The following TMEM150C variants were observed in gnomAD, a reference collection of about 807,000 sequenced individuals.
TMEM150C encodes transmembrane protein 150C.
Under a neutral mutation model 29.9 loss-of-function variants are expected in TMEM150C, and 10 were observed. The observed-to-expected ratio is 0.33, with a 90% CI of 0.21 to 0.57. The LOEUF is 0.57. Ranked by LOEUF, TMEM150C falls within the 20% of genes least tolerant of loss-of-function variation. The pLI is 0.88. For synonymous variants in TMEM150C, 101 were observed against 112.5 expected (o/e 0.90, Z 0.64); for missense variants, 251 against 303.6 (o/e 0.83, Z 1.29).
chr4:82,520,260 A>AT (rs1018345370), intron 1 of TMEM150C, among the ~76,000 whole-genome samples: 18 of 152,248 alleles, frequency 1.2e-4, no homozygotes, highest in African/African-American at 2.7e-4. Context: ...TCTCCCCCAC[A>AT]TATGTGAAAG....
intron 1 of TMEM150C, among the ~76,000 whole-genome samples, chr4:82,529,030 C>G (rs1461789424): frequency 6.6e-6 from 1 of 151,716 alleles, no homozygotes; most frequent in African/African-American, 2.4e-5. Context: ...ATAGAGGGAA[C>G]ATGAAAGCAG....
chr4:82,533,031 AG>A (rs1198228661), intron 1 of TMEM150C, among the ~76,000 whole-genome samples: 2 of 152,118 alleles, frequency 1.3e-5, no homozygotes, highest in Non-Finnish European at 2.9e-5. Flanking sequence ...CCCGGCCTCA[AG>A]TAAACGTTTA....
At chr4:82,548,037 A>G (rs1367173129) in intron 1 of TMEM150C, among the ~76,000 whole-genome samples, 2 of 152,234 alleles carry the variant, frequency 1.3e-5, no homozygotes, top group Admixed American at 6.5e-5. Flanking sequence ...AAAGAATGAA[A>G]TCATGTCCTT....
intron 1 of TMEM150C, among the ~76,000 whole-genome samples, chr4:82,533,896 T>C (rs917694302): frequency 1.3e-5 from 2 of 152,196 alleles, no homozygotes; most frequent in Non-Finnish European, 2.9e-5. Flanking sequence ...CAAATCTGGT[T>C]TGTTTTAGAA....
At chr4:82,512,625 T>C (rs961882820) in intron 1 of TMEM150C, among the ~76,000 whole-genome samples, 6 of 152,182 alleles carry the variant, frequency 3.9e-5, no homozygotes, top group South Asian at 2.1e-4. Context: ...TAGAGGAGTA[T>C]ACTATTTAGC....
chr4:82,516,886 T>C (rs768919324), intron 1 of TMEM150C, among the ~76,000 whole-genome samples: 28 of 152,256 alleles, frequency 1.8e-4, no homozygotes, highest in African/African-American at 6.5e-4. Flanking sequence ...AGGTTTCTTG[T>C]TGGAGTTCAG....
In TMEM150C at chr4:82,507,727, C is replaced by CTTTTTTTTTTTTTTTTTTTTT. The variant is rs869112887; in HGVS notation, c.-10-3081_-10-3061dup. Reference sequence around the variant, plus strand: ...TTAAATTAACTCTCTCTCTCTCTCTCTTTTTTTTTTTTTTTTTTTTTTTTT... The same window carrying CTTTTTTTTTTTTTTTTTTTTT: ...TTAAATTAACTCTCTCTCTCTCTCTCTTTTTTTTTTTTTTTTTTTTTTTTTTTTTTTTTTTTTTTTTTTTTT... On this transcript the variant is annotated intron_variant, in intron 1 of 7. Transcript: ENST00000449862. Among the ~76,000 whole-genome samples, 7 of 20,588 alleles carry CTTTTTTTTTTTTTTTTTTTTT rather than the reference C, an allele frequency of 3.4e-4. 1 individual carries two copies. The highest frequency in any genetic ancestry group is 2.2e-3 in the East Asian group (1 of 458). 13.5% of individuals were successfully genotyped at this position (20,588 alleles called of 152,430 possible). A position where few individuals can be genotyped will look rare whatever the true frequency, so the allele number is the denominator to read the frequency against.
At chr4:82,561,146 T>C (rs895923581) in intron 1 of TMEM150C, among the ~76,000 whole-genome samples, 2 of 152,188 alleles carry the variant, frequency 1.3e-5, no homozygotes, top group African/African-American at 2.4e-5. Flanking sequence ...GAAAACCCTC[T>C]CATACTCCAT....
intron 1 of TMEM150C, among the ~76,000 whole-genome samples, chr4:82,515,497 G>T (rs1011719064): frequency 1.3e-5 from 2 of 152,088 alleles, no homozygotes; most frequent in East Asian, 3.9e-4. Context: ...CCAGCACTTT[G>T]GGAGGCCGAG....
intron 1 of TMEM150C, among the ~76,000 whole-genome samples, chr4:82,532,372 A>C (rs1724874716): frequency 6.6e-6 from 1 of 152,158 alleles, no homozygotes; most frequent in Non-Finnish European, 1.5e-5. Context: ...GGGAAGGAAG[A>C]GAAAAAGATG....
At chr4:82,528,605 C>CT (rs549464188) in intron 1 of TMEM150C, among the ~76,000 whole-genome samples, 5,176 of 139,584 alleles carry the variant, frequency 0.037, 291 homozygotes, top group African/African-American at 0.12. Context: ...TTCCTCGTCC[C>CT]TTTTTTTTTT....
Position 82,484,790 on chromosome 4 carries a change from CTG to C in TMEM150C, c.*719_*720del, listed in dbSNP as rs1723105516. ...AAGCAAACACTAAACCATACCTTCA[CTG>C]CCCCCATCTTGTTCCAGGCCTGATA... On this transcript the variant is annotated 3_prime_UTR_variant, in exon 8 of 8. Coordinates refer to ENST00000449862, the MANE Select transcript of TMEM150C (RefSeq NM_001080506.3). The C allele has an allele frequency of 7.2e-5, 11 of 152,416 alleles. No homozygotes were observed. The highest frequency in any genetic ancestry group is 7.2e-4 in the Admixed American group (11 of 15,302). 9.4% of individuals were successfully genotyped at this position (152,416 alleles called of 1,614,324 possible).
At chr4:82,534,198 G>A (rs1384710715) in intron 1 of TMEM150C, among the ~76,000 whole-genome samples, 1 of 152,128 alleles carries the variant, frequency 6.6e-6, no homozygotes, top group African/African-American at 2.4e-5. Context: ...GCAATGTTCT[G>A]GAAGCTTCGG....
chr4:82,557,712 A>G (rs1725776967), intron 1 of TMEM150C, among the ~76,000 whole-genome samples: 1 of 151,268 alleles, frequency 6.6e-6, no homozygotes, highest in African/African-American at 2.4e-5. Flanking sequence ...GAGCAAGTAC[A>G]AGTGGTTTTT....
At chr4:82,491,302 G>C (rs1340046994) in intron 6 of TMEM150C, 2 of 679,318 alleles carry the variant, frequency 2.9e-6, no homozygotes, top group Non-Finnish European at 5.4e-6. Context: ...TTCTTCTCTT[G>C]CTTTGTCTCT....
intron 1 of TMEM150C, among the ~76,000 whole-genome samples, chr4:82,551,553 G>A (rs1384058816): frequency 6.6e-6 from 1 of 152,188 alleles, no homozygotes; most frequent in Non-Finnish European, 1.5e-5. Flanking sequence ...CAGACTTAGG[G>A]ACAGAAAAGT....
intron 3 of TMEM150C, 24 bp downstream of exon 3, chr4:82,503,035 G>A (rs372549618): frequency 1.9e-6 from 3 of 1,610,930 alleles, no homozygotes; most frequent in Non-Finnish European, 2.5e-6. Context: ...GATGAACAAC[G>A]AATTACCCAC....
At chr4:82,520,099 C>A (rs1389254506) in intron 1 of TMEM150C, among the ~76,000 whole-genome samples, 2 of 152,180 alleles carry the variant, frequency 1.3e-5, no homozygotes, top group African/African-American at 2.4e-5. Flanking sequence ...TGGACCTGGG[C>A]AGACTGGTCT....
At chr4:82,561,653 A>G (rs1725934977) in intron 1 of TMEM150C, among the ~76,000 whole-genome samples, 2 of 146,760 alleles carry the variant, frequency 1.4e-5, no homozygotes, top group African/African-American at 4.9e-5. Context: ...CGCGGGGCAG[A>G]GCCGGCACCG....
Sources: allele counts gnomAD v4.1 joint callset (sites outside exome capture counted in the v4.1 genomes callset), GRCh38; gene constraint gnomAD v4.1.1; transcripts MANE v1.5; gene names NCBI Gene and HGNC (gene_info 2026-07-23, HGNC 2026-07-21).